Variants in AFM observed in about 807,000 individuals in gnomAD.
The protein encoded by AFM is alpha-Alb.
AFM carries 82 observed loss-of-function variants against 68.7 expected under a neutral mutation model. That is an observed-to-expected ratio of 1.19 (90% CI 1.00 to 1.43). The LOEUF (loss-of-function observed/expected upper bound fraction) is 1.43. Ranked by LOEUF, AFM falls within the 40% of genes most tolerant of loss-of-function variation. The pLI is 0.00. For synonymous variants in AFM, 250 were observed against 234.2 expected (o/e 1.07, Z -0.61); for missense variants, 772 against 701.8 (o/e 1.10, Z -1.13).
At chr4:73,495,520 G>A (rs1355682058) in intron 9 of AFM, 88 bp downstream of exon 9, 12 of 1,524,576 alleles carry the variant, frequency 7.9e-6, no homozygotes, top group Non-Finnish European at 1.1e-5. Context: ...GCTGCAGTCT[G>A]GGGGTAGAAA....
intron 9 of AFM, among the ~76,000 whole-genome samples, chr4:73,496,395 G>A (rs1039350713): frequency 7.9e-5 from 12 of 152,162 alleles, no homozygotes; most frequent in African/African-American, 2.6e-4. Context: ...TGAGATGAAC[G>A]TCTCCTTCCA....
chr4:73,497,821 A>G, intron 10 of AFM, 72 bp downstream of exon 10: 6 of 1,018,996 alleles, frequency 5.9e-6, no homozygotes, highest in South Asian at 3.6e-5. Context: ...AGCGTAAAAA[A>G]GTTAGCTGTC....
intron 8 of AFM, among the ~76,000 whole-genome samples, chr4:73,493,444 T>C (rs1281816223): frequency 6.6e-6 from 1 of 152,150 alleles, no homozygotes; most frequent in Non-Finnish European, 1.5e-5. Flanking sequence ...GAATAACTAA[T>C]TGGAACTATC....
At chr4:73,492,144 A>C in intron 8 of AFM, 58 bp downstream of exon 8, 1 of 1,483,292 alleles carries the variant, frequency 6.7e-7, no homozygotes, top group Admixed American at 2.2e-5. Context: ...ATAAGATTTG[A>C]CTTTTGTTGC....
Position 73,501,839 on chromosome 4 carries a change from C to T in AFM, c.1699C>T (p.Gln567Ter), listed in dbSNP as rs200058509. The T allele has an allele frequency of 6.2e-7, 1 of 1,613,378 alleles. No individual in the cohort carries two copies. The highest frequency in any genetic ancestry group is 2.2e-5 in the East Asian group (1 of 44,838). ...GCATGAACTCACAGATGAAGAGCTG[C>T]AGTCTTTGTTTACAAATTTCGCAAA... The part of the protein sequence containing the change: ...LKHELTDEEL[Q>*]SLFTNFANVV... The change falls in exon 13 of 15, where the codon CAG becomes TAG. Residue 567 changes from glutamine to a stop codon, truncating the protein, a stop_gained. Coordinates refer to ENST00000226355, the MANE Select transcript of AFM (RefSeq NM_001133.2). LOFTEE classifies it high-confidence loss of function.
chr4:73,492,092 A>G lies in AFM; in HGVS notation c.1058+6A>G, dbSNP rs1399715804. 6 of 1,593,134 alleles carry G rather than the reference A, an allele frequency of 3.8e-6. No individual in the cohort carries two copies. The highest frequency in any genetic ancestry group is 1.4e-5 in the African/African-American group (1 of 73,616). Reference sequence around the variant, plus strand: ...CCAGACACCTTCTTTGCGAAGTAATATAACTCTTTATTGAATTTATAAGGG... The same window carrying G: ...CCAGACACCTTCTTTGCGAAGTAATGTAACTCTTTATTGAATTTATAAGGG... On this transcript the variant is annotated splice_donor_region_variant and intron_variant, in intron 8 of 14. Transcript: ENST00000226355.
chr4:73,494,397 CTT>C (rs146495944), intron 8 of AFM, among the ~76,000 whole-genome samples: 1 of 151,722 alleles, frequency 6.6e-6, no homozygotes, highest in Non-Finnish European at 1.5e-5. Flanking sequence ...GATGAGTTTT[CTT>C]TTTTTTATGA....
Position 73,500,180 on chromosome 4 carries a change from A to AGATGT in AFM, c.1601_1602insTGTGA (p.Met535ValfsTer22). ...CTCAAGATTTATTTACCTTTCACGC[A>AGATGT]GACATGTGTCAATCTCAGAATGAGG... On this transcript the variant is annotated frameshift_variant, in exon 12 of 15. Transcript: ENST00000226355. LOFTEE classifies it high-confidence loss of function. 6.2e-7 allele frequency: 1 copy of AGATGT among 1,613,860 alleles called. No homozygotes were observed. The highest frequency in any genetic ancestry group is 2.2e-5 in the East Asian group (1 of 44,830).
chr4:73,482,822 G>A (rs1188673571), intron 1 of AFM, among the ~76,000 whole-genome samples: 1 of 152,044 alleles, frequency 6.6e-6, no homozygotes, highest in Non-Finnish European at 1.5e-5. Context: ...CTATTTGTCT[G>A]GCACTGTGGA....
At position 73,482,142 on chromosome 4, in the gene AFM, A is replaced by C. The variant is rs1358816925; in HGVS notation, c.88+279A>C. 2.0e-5 allele frequency among the ~76,000 whole-genome samples: 3 copies of C among 152,180 alleles called. No individual in the cohort carries two copies. The East Asian group carries it at 5.8e-4, about 29-fold the overall frequency. ...AAGTGTTGCTGGGAGATACATTTGG[A>C]TTTTAATGTTGGTATTTCTTGCATA... is the stretch of plus-strand genomic sequence containing the variant. On this transcript the variant is annotated intron_variant, in intron 1 of 14. Transcript: ENST00000226355.
chr4:73,488,670 T>C lies in AFM; in HGVS notation c.754T>C (p.Phe252Leu). The stretch of plus-strand genomic sequence containing the variant: ...CAGTCAAAAATTCCCCAAGATTGAA[T>C]TTAAGGAGCTTATTTCTCTTGTAGA... ...ILSQKFPKIE[F>L]KELISLVEDV... Residue 252 changes from phenylalanine to leucine, a missense_variant, in exon 7 of 15, where the codon TTT (phenylalanine) becomes CTT (leucine). Phe to Leu is a conservative substitution (Grantham distance 22). Coordinates refer to ENST00000226355, the MANE Select transcript of AFM (RefSeq NM_001133.2). 6.2e-7 allele frequency: 1 copy of C among 1,612,828 alleles called. No homozygotes were observed. The highest frequency in any genetic ancestry group is 1.7e-4 in the Middle Eastern group (1 of 6,052).
chr4:73,490,934 T>C (rs1721052723), intron 7 of AFM, among the ~76,000 whole-genome samples: 1 of 152,206 alleles, frequency 6.6e-6, no homozygotes, highest in Non-Finnish European at 1.5e-5. Flanking sequence ...CCCCATTTTA[T>C]TTTTTACCTC....
At chr4:73,493,041 A>G (rs1178307848) in intron 8 of AFM, among the ~76,000 whole-genome samples, 6 of 152,190 alleles carry the variant, frequency 3.9e-5, no homozygotes, top group Non-Finnish European at 1.5e-5. Context: ...GGTCAGTTGT[A>G]TATAGGGACC....
chr4:73,491,645 C>A (rs996240284), intron 7 of AFM, among the ~76,000 whole-genome samples: 19 of 152,008 alleles, frequency 1.2e-4, no homozygotes, highest in Admixed American at 1.2e-3. Flanking sequence ...TATAGTACAG[C>A]CTATTTTTTC....
chr4:73,497,709 A>T lies in AFM; in HGVS notation c.1249A>T (p.Lys417Ter). The change falls in exon 10 of 15, where the codon AAA becomes TAA. Residue 417 changes from lysine to a stop codon, truncating the protein, a stop_gained. Coordinates refer to ENST00000226355, the MANE Select transcript of AFM (RefSeq NM_001133.2). LOFTEE classifies it high-confidence loss of function. The stretch of plus-strand genomic sequence containing the variant: ...CCTCAAGATGGTACAACAAGAATGT[A>T]AACATTTCCAGAATTTGGGGAAGGA... ...KSLKMVQQECKHFQNLGKDGL... is the reference protein window; with the variant it reads ...KSLKMVQQEC 1 of 1,610,892 alleles carries T rather than the reference A, an allele frequency of 6.2e-7. No homozygotes were observed. Among genetic ancestry groups the T allele is most frequent in the Non-Finnish European group, 8.5e-7 (1 of 1,178,252 alleles).
intron 7 of AFM, among the ~76,000 whole-genome samples, chr4:73,490,125 C>T (rs1262557279): frequency 7.0e-6 from 1 of 143,524 alleles, no homozygotes; most frequent in Admixed American, 7.3e-5. Flanking sequence ...TCCAGGAGTT[C>T]GAGGATACAG....
Position 73,481,753 on chromosome 4 carries a change from T to C in AFM, c.-23T>C. The C allele has an allele frequency of 1.4e-6, 2 of 1,413,718 alleles. No homozygotes were observed. Among genetic ancestry groups the C allele is most frequent in the Non-Finnish European group, 2.0e-6 (2 of 1,017,628 alleles). The allele number at this position is 1,413,718 out of a possible 1,614,324, so 87.6% of individuals were successfully genotyped here. A position where few individuals can be genotyped will look rare whatever the true frequency, so the allele number is the denominator to read the frequency against. On this transcript the variant is annotated 5_prime_UTR_variant, in exon 1 of 15. Transcript: ENST00000226355. ...TTTTCCTCAACAACATTACTTTCTT[T>C]TGTAAATGTGGTTTCTACAAAGATG... is the stretch of plus-strand genomic sequence containing the variant.
Position 73,500,036 on chromosome 4 carries a change from A to C in AFM, c.1455A>C (p.Val485=), listed in dbSNP as rs1250205649. The C allele has an allele frequency of 6.2e-6, 10 of 1,614,046 alleles. No individual in the cohort carries two copies. The highest frequency in any genetic ancestry group is 2.7e-5 in the African/African-American group (2 of 75,056). ...TAGTTTTTGGAGAGTTATGTGGAGT[A>C]AATGAAAATCGAACTATCAACCCTG... The part of the protein sequence containing the change: ...ADLVFGELCG[V]NENRTINPAV... The change falls in exon 12 of 15, where the codon GTA becomes GTC. Residue 485 remains valine (V), a synonymous_variant. Coordinates refer to ENST00000226355, the MANE Select transcript of AFM (RefSeq NM_001133.2).
intron 7 of AFM, among the ~76,000 whole-genome samples, chr4:73,490,441 C>A (rs1192378672): frequency 1.3e-5 from 2 of 151,974 alleles, no homozygotes; most frequent in African/African-American, 2.4e-5. Context: ...TTTTTTGAGA[C>A]GGAGTCTGGC....
Sources: allele counts gnomAD v4.1 joint callset (sites outside exome capture counted in the v4.1 genomes callset), GRCh38; gene constraint gnomAD v4.1.1; transcripts MANE v1.5; gene names NCBI Gene and HGNC (gene_info 2026-07-23, HGNC 2026-07-21).